Variants in EML4 observed in about 807,000 individuals in gnomAD.
EML4 encodes the protein EMAP like 4.
EML4 carries 72 observed loss-of-function variants against 129.0 expected under a neutral mutation model. That is an observed-to-expected ratio of 0.56 (90% CI 0.46 to 0.68). The LOEUF (loss-of-function observed/expected upper bound fraction) is 0.68. Ranked by LOEUF, EML4 falls within the 30% of genes least tolerant of loss-of-function variation. The pLI is 0.00. For missense variants in EML4, 1,363 were observed against 1,190.6 expected (o/e 1.14, Z -2.13); for synonymous variants, 532 against 405.0 (o/e 1.31, Z -3.77).
chr2:42,263,210 A>G lies in EML4; in HGVS notation c.545A>G (p.His182Arg), dbSNP rs1665841289. Residue 182 changes from histidine (H) to arginine (R), a missense_variant, in exon 5 of 23, where the codon CAT becomes CGT. His to Arg is a conservative substitution (Grantham distance 29). Transcript: ENST00000318522. ...IKRPSPAEKS[H>R]NSWENSDDSR... ...CGACCATCACCAGCTGAAAAGTCAC[A>G]TAATTCTTGGGAAAATTCAGATGAT... 5 of 1,612,964 alleles carry G rather than the reference A, an allele frequency of 3.1e-6. No homozygotes were observed. In the Admixed American group the frequency reaches 5.0e-5, roughly 16 times the overall value.
chr2:42,293,234 C>G (rs1410882359), intron 11 of EML4, among the ~76,000 whole-genome samples: 1 of 151,928 alleles, frequency 6.6e-6, no homozygotes, highest in African/African-American at 2.4e-5. Context: ...CTCAGCCTCC[C>G]AAGTAGCTAA....
At chr2:42,244,742 T>G (rs1675274069) in intron 1 of EML4, among the ~76,000 whole-genome samples, 1 of 152,154 alleles carries the variant, frequency 6.6e-6, no homozygotes, top group African/African-American at 2.4e-5. Context: ...GTTAAGGTGA[T>G]AGACTCCCTA....
intron 1 of EML4, among the ~76,000 whole-genome samples, chr2:42,171,410 A>C (rs1035774000): frequency 3.9e-5 from 6 of 152,186 alleles, no homozygotes; most frequent in African/African-American, 1.4e-4. Flanking sequence ...ATCTTCTGTA[A>C]GTGTTTAGGA....
chr2:42,296,042 C>G (rs1348404719), intron 13 of EML4, among the ~76,000 whole-genome samples: 3 of 152,132 alleles, frequency 2.0e-5, no homozygotes, highest in Admixed American at 2.0e-4. Context: ...GTTTTATTTG[C>G]ACCCAAATAT....
intron 17 of EML4, among the ~76,000 whole-genome samples, chr2:42,309,566 C>T (rs1455387496): frequency 6.6e-6 from 1 of 151,276 alleles, no homozygotes; most frequent in Non-Finnish European, 1.5e-5. Context: ...TACATATTAT[C>T]TGTGTTTTGA....
At chr2:42,183,487 A>G (rs949809882) in intron 1 of EML4, among the ~76,000 whole-genome samples, 7 of 152,228 alleles carry the variant, frequency 4.6e-5, no homozygotes, top group African/African-American at 9.6e-5. Flanking sequence ...TTGGGGATAC[A>G]AAACAGGTAG....
rs1342356547 is a variant in EML4 at position 42,169,386 on chromosome 2, C to G, written c.-226C>G. The G allele has an allele frequency of 1.9e-4, 60 of 316,548 alleles. No individual in the cohort carries two copies. Among genetic ancestry groups the G allele is most frequent in the Non-Finnish European group, 5.8e-6 (1 of 173,464 alleles). The allele number at this position is 316,548 out of a possible 1,614,324, so 19.6% of individuals were successfully genotyped here. A position where few individuals can be genotyped will look rare whatever the true frequency, so the allele number is the denominator to read the frequency against. On this transcript the variant is annotated 5_prime_UTR_variant, in exon 1 of 23. Transcript: ENST00000318522. ...CGCGGCTGCTGCCTGGGAGGGAGGC[C>G]GGGCAGGCGGCTGAGCGGCGCGGCT...
chr2:42,328,047 C>T (rs944416925), intron 21 of EML4, among the ~76,000 whole-genome samples: 8 of 152,124 alleles, frequency 5.3e-5, no homozygotes, highest in Admixed American at 3.3e-4. Context: ...CATTATTCTA[C>T]GTGAAAATGA....
chr2:42,252,395 C>T (rs569858990), intron 2 of EML4, among the ~76,000 whole-genome samples: 21 of 152,298 alleles, frequency 1.4e-4, no homozygotes, highest in Non-Finnish European at 2.9e-4. Flanking sequence ...TTTTCATTCA[C>T]GCTACATAGC....
chr2:42,218,061 G>T lies in EML4; in HGVS notation c.26-27444G>T, dbSNP rs533543169. On this transcript the variant is annotated intron_variant, in intron 1 of 22. Coordinates refer to ENST00000318522, the MANE Select transcript of EML4 (RefSeq NM_019063.5). ...CGGGCCACAGACTGGTAGGAACTGG[G>T]TCACACAGCAGGAGGTGAGCAGTGG... Among the ~76,000 whole-genome samples the T allele has an allele frequency of 6.6e-5, 10 of 152,290 alleles. No homozygotes were observed. In the East Asian group the frequency reaches 1.9e-3, roughly 29 times the overall value.
chr2:42,273,625 A>G (rs1558563287), intron 6 of EML4, among the ~76,000 whole-genome samples: 1 of 152,140 alleles, frequency 6.6e-6, no homozygotes, highest in African/African-American at 2.4e-5. Context: ...AAATTCAGGA[A>G]ATTTTATCAG....
intron 2 of EML4, among the ~76,000 whole-genome samples, chr2:42,249,536 T>C (rs17029395): frequency 0.15 from 22,796 of 152,126 alleles, 2,030 homozygotes; most frequent in South Asian, 0.29. Flanking sequence ...GGTGGTGATA[T>C]GGGAAGGACA....
At chr2:42,239,105 T>G (rs1674861220) in intron 1 of EML4, among the ~76,000 whole-genome samples, 1 of 152,254 alleles carries the variant, frequency 6.6e-6, no homozygotes, top group Admixed American at 6.5e-5. Flanking sequence ...AGGGCATCAT[T>G]TCACCACAGT....
At chr2:42,313,421 T>C (rs1323485066) in intron 17 of EML4, among the ~76,000 whole-genome samples, 1 of 152,124 alleles carries the variant, frequency 6.6e-6, no homozygotes, top group African/African-American at 2.4e-5. Context: ...CTTCAAATAT[T>C]TTACAGAGTT....
chr2:42,288,126 G>T (rs537455414), intron 10 of EML4, 101 bp from the exon 11 acceptor site: 3 of 518,454 alleles, frequency 5.8e-6, no homozygotes, highest in Admixed American at 3.3e-5. Context: ...AAGGATTTTG[G>T]GTTATCTTAC....
At chr2:42,322,958 C>A (rs1371867988) in intron 19 of EML4, among the ~76,000 whole-genome samples, 1 of 152,198 alleles carries the variant, frequency 6.6e-6, no homozygotes, top group Non-Finnish European at 1.5e-5. Flanking sequence ...ACTTCTCCTA[C>A]TCAAGAGTCC....
rs1668277376 is a variant in EML4, at chr2:42,301,361, A to G, written c.1610A>G (p.Asp537Gly). 4.3e-6 allele frequency: 7 copies of G among 1,612,962 alleles called. No homozygotes were observed. Among genetic ancestry groups the G allele is most frequent in the Non-Finnish European group, 5.9e-6 (7 of 1,179,456 alleles). Reference sequence around the variant, plus strand: ...AAAGACAGAAAAATAATTCTGTGGGATCATGATCTGAATCCTGAAAGAGAA... The same window carrying G: ...AAAGACAGAAAAATAATTCTGTGGGGTCATGATCTGAATCCTGAAAGAGAA... The part of the protein sequence containing the change: ...GGKDRKIILW[D>G]HDLNPEREIE... Residue 537 changes from aspartate to glycine, a missense_variant, in exon 14 of 23, where the codon GAT (aspartate) becomes GGT (glycine). Physicochemically the swap from Asp to Gly is moderately conservative, Grantham distance 94 (BLOSUM62 -1). Coordinates refer to ENST00000318522, the MANE Select transcript of EML4 (RefSeq NM_019063.5).
chr2:42,250,232 C>G (rs186084877), intron 2 of EML4, among the ~76,000 whole-genome samples: 227 of 152,186 alleles, frequency 1.5e-3, no homozygotes, highest in African/African-American at 5.3e-3. Context: ...ACTTGAGAAA[C>G]GAAAGAACCC....
At chr2:42,219,887 C>T (rs1323713362) in intron 1 of EML4, among the ~76,000 whole-genome samples, 2 of 149,262 alleles carry the variant, frequency 1.3e-5, no homozygotes, top group Admixed American at 6.7e-5. Flanking sequence ...GATCGTGCTA[C>T]TGCAGTGCAG....
Sources: gnomAD v4.1 joint callset for allele counts (sites outside exome capture counted in the v4.1 genomes callset) on GRCh38, gnomAD v4.1.1 for gene constraint, MANE v1.5 for transcripts, NCBI Gene and HGNC (gene_info 2026-07-23, HGNC 2026-07-21) for gene names.